SORD: variants seen among roughly 807,000 people sequenced by gnomAD.
SORD encodes sorbitol dehydrogenase.
SORD carries 18 observed loss-of-function variants against 35.6 expected under a neutral mutation model. The observed-to-expected ratio is 0.51, with a 90% CI of 0.35 to 0.75. The LOEUF (loss-of-function observed/expected upper bound fraction) is 0.75, where lower values mean the gene tolerates loss of function less well. Among genes scored for constraint, SORD ranks in the 30% least tolerant of loss-of-function variants. The pLI, the probability that SORD is intolerant of heterozygous loss-of-function variation, is 0.01. For missense variants in SORD, 250 were observed against 390.2 expected, an observed-to-expected ratio of 0.64 and a Z score of 3.03; for synonymous variants, 106 against 152.9, an observed-to-expected ratio of 0.69 and a Z score of 2.26.
intron 1 of SORD, among the ~76,000 whole-genome samples, chr15:45,028,693 G>GATA (rs532606630): frequency 0.21 from 31,136 of 150,604 alleles, no homozygotes; most frequent in African/African-American, 0.44. Flanking sequence ...ATTACTCGGA[G>GATA]GTCCATGAAG....
At chr15:45,025,471 A>G (rs1390622277) in intron 1 of SORD, among the ~76,000 whole-genome samples, 3 of 152,054 alleles carry the variant, frequency 2.0e-5, no homozygotes, top group Non-Finnish European at 4.4e-5. Flanking sequence ...AACTGTCTCT[A>G]CTATAAATAC....
At chr15:45,036,376 C>T (rs1892865899) in intron 1 of SORD, 2 of 455,630 alleles carry the variant, frequency 4.4e-6, no homozygotes, top group African/African-American at 2.0e-5. Context: ...CCTTTTAGTC[C>T]TCTTGTAGTC....
chr15:45,023,528 G>C (rs1040937411), intron 1 of SORD, among the ~76,000 whole-genome samples, 179 bp downstream of exon 1: 1 of 152,248 alleles, frequency 6.6e-6, no homozygotes, highest in East Asian at 1.9e-4. Context: ...TGGCTGTTGC[G>C]AAGGGCAGGG....
intron 3 of SORD, among the ~76,000 whole-genome samples, chr15:45,047,916 A>G (rs1219727200): frequency 6.6e-6 from 1 of 152,228 alleles, no homozygotes; most frequent in African/African-American, 2.4e-5. Context: ...CCAGATTCAG[A>G]CGGAGTTTAA....
chr15:45,027,132 C>T (rs1024137885), intron 1 of SORD, among the ~76,000 whole-genome samples: 3 of 152,220 alleles, frequency 2.0e-5, no homozygotes, highest in African/African-American at 7.2e-5. Context: ...AACGAAACAA[C>T]AATCTGAGAC....
At chr15:45,031,107 C>G (rs887801915) in intron 1 of SORD, among the ~76,000 whole-genome samples, 6 of 152,222 alleles carry the variant, frequency 3.9e-5, no homozygotes, top group African/African-American at 1.4e-4. Context: ...GGGAGGATCA[C>G]TTGAGGCCAG....
intron 1 of SORD, among the ~76,000 whole-genome samples, chr15:45,030,747 A>G (rs753618924): frequency 2.0e-5 from 3 of 152,258 alleles, no homozygotes; most frequent in Non-Finnish European, 4.4e-5. Context: ...GTCCTTAACT[A>G]TCCTGTGTGG....
Position 45,047,982 on chromosome 15 carries a change from A to G in SORD, c.265+4561A>G, listed in dbSNP as rs372660160. On this transcript the variant is annotated intron_variant, in intron 3 of 8. Transcript: ENST00000267814. ...CCTGTGATATTAAAATCCCCTGTAA[A>G]TCTGCTTTCTATTTTCTGCAAACAT... 1.5e-4 allele frequency among the ~76,000 whole-genome samples: 23 copies of G among 152,276 alleles called. No homozygotes were observed. In the East Asian group the frequency reaches 3.5e-3, roughly 23 times the overall value.
At chr15:45,052,082 A>G (rs1893133726) in intron 3 of SORD, among the ~76,000 whole-genome samples, 1 of 152,208 alleles carries the variant, frequency 6.6e-6, no homozygotes, top group African/African-American at 2.4e-5. Flanking sequence ...TTACCAAAAC[A>G]CATTTTACTT....
chr15:45,053,175 G>T (rs1046068553), intron 3 of SORD, among the ~76,000 whole-genome samples: 3 of 152,150 alleles, frequency 2.0e-5, no homozygotes, highest in African/African-American at 7.2e-5. Context: ...ACAAGTAAGG[G>T]ATTGTCAATC....
At chr15:45,044,225 A>G (rs1009874864) in intron 3 of SORD, among the ~76,000 whole-genome samples, 4 of 152,214 alleles carry the variant, frequency 2.6e-5, no homozygotes, top group Admixed American at 2.0e-4. Flanking sequence ...TGGAATGTTT[A>G]TAGCTTCCAA....
rs1230142473 is a variant in SORD at position 45,073,567 on chromosome 15, G to A, written c.*37G>A. 4.4e-6 allele frequency: 7 copies of A among 1,591,216 alleles called. 1 individual carries two copies. Among genetic ancestry groups the A allele is most frequent in the East Asian group, 2.2e-5 (1 of 44,614 alleles). ...TCTGCCCTCATCCCCACAGTCTTGGGATCTCAGGGCACAATGGCTGGACAT... is the reference window on the plus strand; with the variant it reads ...TCTGCCCTCATCCCCACAGTCTTGGAATCTCAGGGCACAATGGCTGGACAT... On this transcript the variant is annotated 3_prime_UTR_variant, in exon 9 of 9. Coordinates refer to ENST00000267814, the MANE Select transcript of SORD (RefSeq NM_003104.6).
chr15:45,067,982 G>A (rs1893434237), intron 5 of SORD, among the ~76,000 whole-genome samples, 199 bp from the exon 6 acceptor site: 1 of 152,144 alleles, frequency 6.6e-6, no homozygotes, highest in African/African-American at 2.4e-5. Context: ...CACTAGGAGC[G>A]TATTTTATGT....
At chr15:45,041,389 ACAGT>A (rs1433199257) in intron 2 of SORD, among the ~76,000 whole-genome samples, 1 of 151,900 alleles carries the variant, frequency 6.6e-6, no homozygotes, top group African/African-American at 2.4e-5. Flanking sequence ...TCACACCTAG[ACAGT>A]CAGGTCCCCT....
intron 3 of SORD, among the ~76,000 whole-genome samples, chr15:45,055,410 G>A (rs1445287366): frequency 2.6e-5 from 4 of 152,054 alleles, no homozygotes; most frequent in Non-Finnish European, 5.9e-5. Context: ...TAAATTCCTC[G>A]ACACATACAC....
At chr15:45,029,796 G>T (rs1892743148) in intron 1 of SORD, among the ~76,000 whole-genome samples, 1 of 152,386 alleles carries the variant, frequency 6.6e-6, no homozygotes, top group African/African-American at 2.4e-5. Context: ...TTTCAGCAGA[G>T]AAGGGAACTG....
chr15:45,046,600 T>C (rs1893048396), intron 3 of SORD, among the ~76,000 whole-genome samples: 1 of 152,226 alleles, frequency 6.6e-6, no homozygotes, highest in Non-Finnish European at 1.5e-5. Context: ...TTTCTTTCCT[T>C]AGGATACAAA....
intron 7 of SORD, chr15:45,069,988 G>A (rs1359038950): frequency 6.6e-6 from 1 of 152,218 alleles, no homozygotes; most frequent in Non-Finnish European, 1.5e-5. Context: ...ATGAGGAAAC[G>A]AAGGGAAAAT....
At chr15:45,031,134 T>A (rs796331540) in intron 1 of SORD, among the ~76,000 whole-genome samples, 314 of 152,142 alleles carry the variant, frequency 2.1e-3, no homozygotes, top group Admixed American at 3.3e-3. Context: ...GAGACCAGCC[T>A]GGGAAAGACC....
Sources: allele counts gnomAD v4.1 joint callset (sites outside exome capture counted in the v4.1 genomes callset), GRCh38; gene constraint gnomAD v4.1.1; transcripts MANE v1.5; gene names NCBI Gene and HGNC (gene_info 2026-07-23, HGNC 2026-07-21).